The following PLD5 variants were observed in gnomAD, a reference collection of about 807,000 sequenced individuals.
PLD5 encodes the protein phospholipase D family member 5.
In PLD5, 36 loss-of-function variants were observed where a neutral mutation model predicts 61.1. That is an observed-to-expected ratio of 0.59 (90% confidence interval 0.45 to 0.78). The LOEUF (loss-of-function observed/expected upper bound fraction) is 0.78, where lower values mean the gene tolerates loss of function less well. PLD5 is among the 30% of genes least tolerant of loss of function. The probability of loss-of-function intolerance (pLI) is 0.00; values close to 1 mark genes in which losing one functional copy is unlikely to be tolerated. For missense variants in PLD5, 515 were observed against 644.4 expected (o/e 0.80, Z 2.17); for synonymous variants, 243 against 242.8 (o/e 1.00, Z -0.01).
In PLD5 at chr1:242,394,316, G is replaced by A. The variant is rs184481916; in HGVS notation, c.190-46074C>T. 2.1e-3 allele frequency among the ~76,000 whole-genome samples: 116 copies of A among 54,858 alleles called. 4 individuals carry two copies. The highest frequency in any genetic ancestry group is 3.6e-3 in the Non-Finnish European group (95 of 26,600). The allele number at this position is 54,858 out of a possible 152,430, so 36.0% of individuals were successfully genotyped here. ...AGTATATATATGAGTATATATGTGT[G>A]TATATATGAGTATATATGTGTGTAT... On this transcript the variant is annotated intron_variant, in intron 1 of 9. Coordinates refer to ENST00000536534, the MANE Select transcript of PLD5 (RefSeq NM_001372062.1).
intron 1 of PLD5, among the ~76,000 whole-genome samples, chr1:242,419,332 T>A (rs1264154001): frequency 6.6e-6 from 1 of 151,812 alleles, no homozygotes; most frequent in Non-Finnish European, 1.5e-5. Flanking sequence ...AGTTTCAAGC[T>A]GTTCCATGAA....
At position 242,100,800 on chromosome 1, in the gene PLD5, AGGGGGC is replaced by A; in HGVS notation, c.1240-24_1240-19del. 1 of 1,479,818 alleles carries A rather than the reference AGGGGGC, an allele frequency of 6.8e-7. No homozygotes were observed. The highest frequency in any genetic ancestry group is 9.4e-7 in the Non-Finnish European group (1 of 1,065,704). 91.7% of individuals were successfully genotyped at this position (1,479,818 alleles called of 1,614,324 possible). A position where few individuals can be genotyped will look rare whatever the true frequency, so the allele number is the denominator to read the frequency against. ...AAAAATTTCTGTAAGAAAAAAAAAA[AGGGGGC>A]AGGTAAATAAGAGGAACGTTTCTGG... On this transcript the variant is annotated intron_variant, in intron 8 of 9. Coordinates refer to ENST00000536534, the MANE Select transcript of PLD5 (RefSeq NM_001372062.1).
chr1:242,439,913 T>C (rs1423877545), intron 1 of PLD5, among the ~76,000 whole-genome samples: 1 of 152,182 alleles, frequency 6.6e-6, no homozygotes, highest in Non-Finnish European at 1.5e-5. Context: ...CCACAAGCAG[T>C]GGAAAGTTCT....
At position 242,215,043 on chromosome 1, in the gene PLD5, ATTT is replaced by A. The variant is rs34759131; in HGVS notation, c.735+4942_735+4944del. 3.7e-4 allele frequency among the ~76,000 whole-genome samples: 45 copies of A among 120,592 alleles called. No homozygotes were observed. In the East Asian group the frequency reaches 4.3e-3, roughly 12 times the overall value. 79.1% of individuals were successfully genotyped at this position (120,592 alleles called of 152,430 possible). On this transcript the variant is annotated intron_variant, in intron 5 of 9. Transcript: ENST00000536534. ...TTGTGCCTGCCACCGTGCCTGGCCA[ATTT>A]TTTTTTTTTTTTTTTGTATTTTTAG...
chr1:242,224,408 C>A (rs1055878034), intron 4 of PLD5, among the ~76,000 whole-genome samples: 1 of 151,908 alleles, frequency 6.6e-6, no homozygotes, highest in African/African-American at 2.4e-5. Flanking sequence ...ATTTTATGAG[C>A]ACTAACAGAA....
At chr1:242,127,221 C>T (rs1306240583) in intron 5 of PLD5, among the ~76,000 whole-genome samples, 2 of 152,176 alleles carry the variant, frequency 1.3e-5, no homozygotes, top group Non-Finnish European at 2.9e-5. Flanking sequence ...TAAACTAGTA[C>T]AACCACTATG....
intron 5 of PLD5, among the ~76,000 whole-genome samples, chr1:242,167,992 A>T (rs1666450939): frequency 6.6e-6 from 1 of 152,216 alleles, no homozygotes; most frequent in Non-Finnish European, 1.5e-5. Context: ...TATTTTCAAA[A>T]TGCACATGCT....
chr1:242,423,308 T>G lies in PLD5; in HGVS notation c.190-75066A>C, dbSNP rs139004828. On this transcript the variant is annotated intron_variant, in intron 1 of 9. Coordinates refer to ENST00000536534, the MANE Select transcript of PLD5 (RefSeq NM_001372062.1). ...TCAGGAAAATAGGACATAAAAGAGGTGTTCTAGAGAGAAAAGCCTTGTACT... is the reference window on the plus strand; with the variant it reads ...TCAGGAAAATAGGACATAAAAGAGGGGTTCTAGAGAGAAAAGCCTTGTACT... Among the ~76,000 whole-genome samples, 130 of 151,898 alleles carry G rather than the reference T, an allele frequency of 8.6e-4. 2 individuals are homozygous for G. Among genetic ancestry groups the G allele is most frequent in the African/African-American group, 3.1e-3 (128 of 41,412 alleles).
At chr1:242,129,557 T>C (rs1663067215) in intron 5 of PLD5, among the ~76,000 whole-genome samples, 1 of 152,164 alleles carries the variant, frequency 6.6e-6, no homozygotes, top group Admixed American at 6.6e-5. Context: ...AAAAATAATA[T>C]AGAGATCTGG....
intron 9 of PLD5, among the ~76,000 whole-genome samples, chr1:242,093,580 C>T (rs71648683): frequency 0.084 from 12,834 of 152,126 alleles, 654 homozygotes; most frequent in Non-Finnish European, 0.12. Context: ...AGAAAAATAT[C>T]AGAGCTGAGG....
At chr1:242,133,256 C>T (rs1438448879) in intron 5 of PLD5, among the ~76,000 whole-genome samples, 1 of 152,114 alleles carries the variant, frequency 6.6e-6, no homozygotes, top group African/African-American at 2.4e-5. Flanking sequence ...ACTTTAGCCT[C>T]TGACTGGTCA....
rs565244905 is a variant in PLD5 at position 242,377,604 on chromosome 1, G to T, written c.190-29362C>A. Among the ~76,000 whole-genome samples the T allele has an allele frequency of 2.0e-5, 3 of 152,096 alleles. No individual in the cohort carries two copies. In the South Asian group the frequency reaches 6.2e-4, roughly 32 times the overall value. The stretch of plus-strand genomic sequence containing the variant: ...GTCCCAGTACAACCTCACATAGGAA[G>T]GTTGATATCCCAAACATGTACAGCT... On this transcript the variant is annotated intron_variant, in intron 1 of 9. Transcript: ENST00000536534.
At position 242,492,388 on chromosome 1, in the gene PLD5, G is replaced by A. The variant is rs559795863; in HGVS notation, c.189+31700C>T. On this transcript the variant is annotated intron_variant, in intron 1 of 9. Transcript: ENST00000536534. ...ATACTAAAAATTAGCTGGGCATGGT[G>A]GTGGGTGCCTGTAATCCCAGCTACT... Among the ~76,000 whole-genome samples the A allele has an allele frequency of 7.9e-5, 12 of 151,976 alleles. No homozygotes were observed. In the South Asian group the frequency reaches 2.5e-3, roughly 32 times the overall value.
chr1:242,346,480 A>T (rs1660143698), intron 2 of PLD5, among the ~76,000 whole-genome samples: 1 of 152,154 alleles, frequency 6.6e-6, no homozygotes, highest in African/African-American at 2.4e-5. Context: ...CTCTGTAAAT[A>T]TGAGTCATGG....
intron 2 of PLD5, among the ~76,000 whole-genome samples, chr1:242,297,826 A>G (rs1675795088): frequency 6.6e-6 from 1 of 150,532 alleles, no homozygotes; most frequent in South Asian, 2.1e-4. Flanking sequence ...TTTTTAGTAG[A>G]GACGGGGTTT....
rs561146431 is a variant in PLD5 at position 242,266,712 on chromosome 1, C to T, written c.496-1264G>A. The stretch of plus-strand genomic sequence containing the variant: ...CACAGTGGCAAGGTCTTATCTTGCT[C>T]TGGTAAGAATGGACTGTGGATAATG... On this transcript the variant is annotated intron_variant, in intron 3 of 9. Coordinates refer to ENST00000536534, the MANE Select transcript of PLD5 (RefSeq NM_001372062.1). 2.0e-5 allele frequency among the ~76,000 whole-genome samples: 3 copies of T among 152,352 alleles called. No homozygotes were observed. The South Asian group carries it at 6.2e-4, about 32-fold the overall frequency.
At chr1:242,244,958 A>G (rs1415922632) in intron 4 of PLD5, among the ~76,000 whole-genome samples, 1 of 152,230 alleles carries the variant, frequency 6.6e-6, no homozygotes, top group East Asian at 1.9e-4. Context: ...ATGACTTCCG[A>G]AATGTTATTG....
intron 1 of PLD5, among the ~76,000 whole-genome samples, chr1:242,411,874 T>C (rs2149289569): frequency 6.6e-6 from 1 of 152,066 alleles, no homozygotes; most frequent in Non-Finnish European, 1.5e-5. Context: ...AAGTCACAGA[T>C]GCACCTGTGG....
chr1:242,406,975 C>T (rs1437705551), intron 1 of PLD5, among the ~76,000 whole-genome samples: 1 of 152,108 alleles, frequency 6.6e-6, no homozygotes, highest in Non-Finnish European at 1.5e-5. Flanking sequence ...TCTGCAATGA[C>T]TTTAAAGTTT....
Sources: gnomAD v4.1 joint callset for allele counts (sites outside exome capture counted in the v4.1 genomes callset) on GRCh38, gnomAD v4.1.1 for gene constraint, MANE v1.5 for transcripts, NCBI Gene and HGNC (gene_info 2026-07-23, HGNC 2026-07-21) for gene names.